UNC13C: variants seen among roughly 807,000 people sequenced by gnomAD.
The protein encoded by UNC13C is unc-13 homolog C, also known as protein unc-13 homolog C.
UNC13C carries 174 observed loss-of-function variants against 245.4 expected under a neutral mutation model. The observed-to-expected ratio is 0.71, with a 90% confidence interval of 0.63 to 0.80. The LOEUF (loss-of-function observed/expected upper bound fraction) is 0.80. Ranked by LOEUF, UNC13C falls within the 30% of genes least tolerant of loss-of-function variation. The pLI, the probability that UNC13C is intolerant of heterozygous loss-of-function variation, is 0.00. For synonymous variants in UNC13C, 992 were observed against 895.1 expected (o/e 1.11, Z -1.93); for missense variants, 2,829 against 2,602.9 (o/e 1.09, Z -1.89).
intron 19 of UNC13C, among the ~76,000 whole-genome samples, chr15:54,459,662 T>G (rs1891731833): frequency 6.6e-6 from 1 of 152,174 alleles, no homozygotes; most frequent in South Asian, 2.1e-4. Flanking sequence ...TGAAGTTCAT[T>G]CTTCTACTTG....
intron 2 of UNC13C, chr15:54,049,820 A>T (rs772483360): frequency 2.0e-5 from 5 of 252,012 alleles, no homozygotes; most frequent in Admixed American, 1.0e-4. Flanking sequence ...TAGGATGCTC[A>T]TGAGATTGTG....
the UNC13C span, among the ~76,000 whole-genome samples, chr15:53,954,949 G>A: frequency 6.6e-6 from 1 of 152,138 alleles, no homozygotes; most frequent in Non-Finnish European, 1.5e-5. Context: ...CAAGGCACCA[G>A]CATATTTTCA....
chr15:54,285,638 A>G (rs2037125012), intron 10 of UNC13C, among the ~76,000 whole-genome samples: 1 of 152,148 alleles, frequency 6.6e-6, no homozygotes, highest in Non-Finnish European at 1.5e-5. Flanking sequence ...GATTTTCTCA[A>G]CTGATGCCCT....
At chr15:54,411,617 TAC>T (rs1407592598) in intron 18 of UNC13C, among the ~76,000 whole-genome samples, 2 of 119,160 alleles carry the variant, frequency 1.7e-5, no homozygotes, top group East Asian at 4.6e-4. Context: ...TTCACTGACA[TAC>T]TGTTACACAT....
At chr15:54,303,671 G>A (rs1353389031) in intron 13 of UNC13C, among the ~76,000 whole-genome samples, 1 of 150,756 alleles carries the variant, frequency 6.6e-6, no homozygotes, top group Non-Finnish European at 1.5e-5. Context: ...ATTTTGCCAA[G>A]GTTGAGGACA....
rs552557940 is a variant in UNC13C, at chr15:54,090,096, C to T, written c.2984-52922C>T. 5.6e-4 allele frequency among the ~76,000 whole-genome samples: 86 copies of T among 152,306 alleles called. 1 individual carries two copies. Among genetic ancestry groups the T allele is most frequent in the African/African-American group, 2.1e-3 (86 of 41,566 alleles). On this transcript the variant is annotated intron_variant, in intron 2 of 32. Coordinates refer to ENST00000260323, the MANE Select transcript of UNC13C (RefSeq NM_001080534.3). ...TTACATTTCTTTCTCCGAAGACATG[C>T]ATCACCTGCAAATGTCAAATGATAA...
intron 14 of UNC13C, among the ~76,000 whole-genome samples, chr15:54,329,081 G>GT (rs36002521): frequency 0.15 from 17,636 of 121,008 alleles, 1,327 homozygotes; most frequent in East Asian, 0.41. Flanking sequence ...ATTAAACCAA[G>GT]TTTTTTTTTT....
the UNC13C span, among the ~76,000 whole-genome samples, chr15:53,885,423 G>T: frequency 6.6e-6 from 1 of 152,168 alleles, no homozygotes; most frequent in Non-Finnish European, 1.5e-5. Flanking sequence ...ACCTGGGAAG[G>T]TGAAATACTA....
intron 28 of UNC13C, among the ~76,000 whole-genome samples, chr15:54,552,529 TA>T (rs377575142): frequency 0.44 from 31,783 of 72,742 alleles, 8,463 homozygotes; most frequent in African/African-American, 0.57. Context: ...TTATATATAA[TA>T]ATATAATTAT....
At position 54,289,409 on chromosome 15, in the gene UNC13C, G is replaced by T. The variant is rs1264931577; in HGVS notation, c.3819-4486G>T. 1.7e-4 allele frequency among the ~76,000 whole-genome samples: 26 copies of T among 152,080 alleles called. 1 individual carries two copies. Among genetic ancestry groups the T allele is most frequent in the Admixed American group, 1.7e-3 (26 of 15,242 alleles). On this transcript the variant is annotated intron_variant, in intron 10 of 32. Coordinates refer to ENST00000260323, the MANE Select transcript of UNC13C (RefSeq NM_001080534.3). ...AGATTTGACCAGCTGTTTTGCAATT[G>T]CGTATCAAAATGTATCGGCTTTCTA...
At chr15:54,466,664 C>A (rs1892187766) in intron 19 of UNC13C, among the ~76,000 whole-genome samples, 1 of 151,560 alleles carries the variant, frequency 6.6e-6, no homozygotes, top group Non-Finnish European at 1.5e-5. Context: ...AAAAACAGAC[C>A]CCACCCACAC....
At chr15:54,288,432 G>A (rs2037205557) in intron 10 of UNC13C, among the ~76,000 whole-genome samples, 2 of 151,912 alleles carry the variant, frequency 1.3e-5, no homozygotes, top group Middle Eastern at 3.4e-3. Context: ...CCATAAATGA[G>A]GACCATCCCA....
chr15:54,242,391 G>A (rs1211679328), intron 7 of UNC13C, among the ~76,000 whole-genome samples: 1 of 151,984 alleles, frequency 6.6e-6, no homozygotes, highest in African/African-American at 2.4e-5. Context: ...TTTTCAGCAA[G>A]TTGTCTTGTT....
chr15:54,039,760 T>G (rs1040108963), intron 2 of UNC13C, among the ~76,000 whole-genome samples: 8 of 152,218 alleles, frequency 5.3e-5, no homozygotes, highest in African/African-American at 1.9e-4. Flanking sequence ...ATGTAACTGT[T>G]TCCTTGACTG....
intron 4 of UNC13C, among the ~76,000 whole-genome samples, chr15:54,157,414 T>C (rs2032794539): frequency 1.3e-5 from 2 of 152,214 alleles, no homozygotes; most frequent in African/African-American, 4.8e-5. Flanking sequence ...TAGTATGTTT[T>C]ACCTTTCTTT....
At chr15:54,295,758 C>T (rs112118126) in intron 11 of UNC13C, among the ~76,000 whole-genome samples, 4 of 151,932 alleles carry the variant, frequency 2.6e-5, no homozygotes, top group African/African-American at 7.3e-5. Context: ...TAAAATCAGC[C>T]ATCTAGCTCT....
chr15:54,272,735 C>T (rs182850893), intron 10 of UNC13C, among the ~76,000 whole-genome samples: 5 of 152,236 alleles, frequency 3.3e-5, no homozygotes, highest in Admixed American at 3.3e-4. Context: ...CATTACCTAT[C>T]CACATACAGC....
At chr15:53,961,016 A>C in the UNC13C span, among the ~76,000 whole-genome samples, 1 of 152,224 alleles carries the variant, frequency 6.6e-6, no homozygotes. Context: ...GTATGTGTGT[A>C]TTCCTGCACC....
At chr15:54,425,555 T>C (rs2040742901) in intron 19 of UNC13C, among the ~76,000 whole-genome samples, 1 of 151,856 alleles carries the variant, frequency 6.6e-6, no homozygotes, top group South Asian at 2.1e-4. Context: ...TTCTCAATTA[T>C]TGTAGTCCCT....
Sources: gnomAD v4.1 joint callset for allele counts (sites outside exome capture counted in the v4.1 genomes callset) on GRCh38, gnomAD v4.1.1 for gene constraint, MANE v1.5 for transcripts, NCBI Gene and HGNC (gene_info 2026-07-23, HGNC 2026-07-21) for gene names.